MED13L: variants seen among roughly 807,000 people sequenced by gnomAD.
MED13L encodes the protein mediator of RNA polymerase II transcription subunit 13-like.
A neutral mutation model predicts 220.9 loss-of-function variants in MED13L; 7 were observed. That is an observed-to-expected ratio of 0.03 (90% CI 0.02 to 0.06). The LOEUF is 0.06. Among genes scored for constraint, MED13L ranks in the 10% least tolerant of loss-of-function variants. The pLI is 1.00. For missense variants in MED13L, 1,965 were observed against 2,760.5 expected (o/e 0.71, Z 6.46); for synonymous variants, 1,011 against 1,015.2 (o/e 1.00, Z 0.08).
chr12:116,085,815 T>A (rs996471593), intron 4 of MED13L, among the ~76,000 whole-genome samples: 4 of 150,510 alleles, frequency 2.7e-5, no homozygotes, highest in Admixed American at 6.6e-5. Context: ...AGAATAAACA[T>A]GTTATTGATA....
chr12:116,221,625 C>G (rs188775664), intron 2 of MED13L, among the ~76,000 whole-genome samples: 1 of 151,986 alleles, frequency 6.6e-6, no homozygotes, highest in African/African-American at 2.4e-5. Flanking sequence ...TTAGGCACAA[C>G]GAGCACAAAT....
At chr12:116,156,165 G>A (rs1878409138) in intron 2 of MED13L, among the ~76,000 whole-genome samples, 1 of 151,668 alleles carries the variant, frequency 6.6e-6, no homozygotes, top group Non-Finnish European at 1.5e-5. Flanking sequence ...ATAATTATTA[G>A]CAATATGTTA....
chr12:116,140,933 G>A (rs1256686422), intron 2 of MED13L, among the ~76,000 whole-genome samples: 1 of 152,056 alleles, frequency 6.6e-6, no homozygotes, highest in African/African-American at 2.4e-5. Context: ...TTGTCCAAAG[G>A]GGCAGCTATG....
intron 4 of MED13L, among the ~76,000 whole-genome samples, chr12:116,072,015 G>C (rs1870411193): frequency 1.3e-5 from 2 of 152,158 alleles, no homozygotes; most frequent in African/African-American, 4.8e-5. Flanking sequence ...ATTCACATTG[G>C]ATGTTGCCTA....
At chr12:116,069,381 G>A (rs1401658898) in intron 4 of MED13L, among the ~76,000 whole-genome samples, 1 of 151,994 alleles carries the variant, frequency 6.6e-6, no homozygotes, top group African/African-American at 2.4e-5. Context: ...CCAACCCTTG[G>A]TTTTCTCATT....
rs906088485 is a variant in MED13L at position 116,007,555 on chromosome 12, T to C, written c.2094A>G (p.Pro698=). 2.5e-6 allele frequency: 4 copies of C among 1,609,702 alleles called. No homozygotes were observed. Among genetic ancestry groups the C allele is most frequent in the African/African-American group, 2.7e-5 (2 of 73,552 alleles). The part of the protein sequence containing the change: ...PQLQPLHFLD[P]LPLSQQPGDS... ...CTCCAGGTTGTTGTGATAGAGGCAA[T>C]GGGTCAAGGAAGTGGAGTGGCTGCA... Residue 698 remains proline, a synonymous_variant, in exon 11 of 31, where the codon CCA becomes CCG. Transcript: ENST00000281928.
At chr12:116,270,818 G>A (rs1242225634) in intron 1 of MED13L, among the ~76,000 whole-genome samples, 5 of 151,604 alleles carry the variant, frequency 3.3e-5, no homozygotes, top group Admixed American at 6.6e-5. Flanking sequence ...CGAGGCGGGC[G>A]GATCACAAGG....
chr12:116,014,334 T>A (rs1176223106), intron 8 of MED13L, among the ~76,000 whole-genome samples: 1 of 152,206 alleles, frequency 6.6e-6, no homozygotes, highest in Admixed American at 6.5e-5. Context: ...TTTCAGAGAA[T>A]CAAGACTCAT....
At chr12:116,139,601 T>G (rs995857568) in intron 2 of MED13L, among the ~76,000 whole-genome samples, 4 of 152,234 alleles carry the variant, frequency 2.6e-5, no homozygotes, top group Non-Finnish European at 4.4e-5. Context: ...CCCAATCTGA[T>G]TTTAAACTCA....
chr12:116,076,944 A>C (rs1356293883), intron 4 of MED13L, among the ~76,000 whole-genome samples: 1 of 152,200 alleles, frequency 6.6e-6, no homozygotes, highest in South Asian at 2.1e-4. Context: ...TCATATTTTT[A>C]GGGCAACCTC....
chr12:116,249,398 T>TA (rs1871325553), intron 1 of MED13L, among the ~76,000 whole-genome samples: 1 of 152,078 alleles, frequency 6.6e-6, no homozygotes. Context: ...TTCAACTCTT[T>TA]AAAGGAAGGA....
At chr12:116,012,719 A>T in intron 9 of MED13L, 78 bp downstream of exon 9, 1 of 1,030,818 alleles carries the variant, frequency 9.7e-7, no homozygotes, top group Non-Finnish European at 1.5e-6. Context: ...GGAAGAACTG[A>T]TCTGTGAGGC....
At chr12:116,248,840 A>G (rs1457746571) in intron 1 of MED13L, among the ~76,000 whole-genome samples, 1 of 152,246 alleles carries the variant, frequency 6.6e-6, no homozygotes, top group Non-Finnish European at 1.5e-5. Flanking sequence ...ATAAGCACCA[A>G]ATTGTTCTCC....
At chr12:116,098,439 CAA>C (rs1872796169) in intron 3 of MED13L, among the ~76,000 whole-genome samples, 1 of 152,078 alleles carries the variant, frequency 6.6e-6, no homozygotes, top group African/African-American at 2.4e-5. Context: ...TACCTACCAG[CAA>C]AAGAGTTATA....
intron 2 of MED13L, among the ~76,000 whole-genome samples, chr12:116,168,092 C>T (rs192660064): frequency 5.4e-4 from 82 of 152,196 alleles, no homozygotes; most frequent in African/African-American, 1.9e-3. Context: ...ATCCTATCAC[C>T]ATCACCTACT....
At chr12:116,116,904 T>C (rs1447088888) in intron 2 of MED13L, among the ~76,000 whole-genome samples, 3 of 147,696 alleles carry the variant, frequency 2.0e-5, no homozygotes, top group African/African-American at 7.4e-5. Context: ...GAACCTTACA[T>C]CCTTCTAGGT....
At chr12:116,064,185 A>G (rs1869734911) in intron 4 of MED13L, among the ~76,000 whole-genome samples, 1 of 151,818 alleles carries the variant, frequency 6.6e-6, no homozygotes, top group Non-Finnish European at 1.5e-5. Context: ...CCCGTCTCAA[A>G]AAAAAAAAAA....
At chr12:115,961,627 G>A (rs1875761536) in intron 30 of MED13L, 1 of 599,580 alleles carries the variant, frequency 1.7e-6, no homozygotes, top group Non-Finnish European at 2.9e-6. Flanking sequence ...CCGCCAGTGA[G>A]GCCAGTAGGA....
chr12:116,267,571 A>C (rs1236928872), intron 1 of MED13L, among the ~76,000 whole-genome samples: 3 of 152,200 alleles, frequency 2.0e-5, no homozygotes, highest in Non-Finnish European at 2.9e-5. Flanking sequence ...TCCAACACCA[A>C]GTTTACAGGA....
Sources: gnomAD v4.1 joint callset for allele counts (sites outside exome capture counted in the v4.1 genomes callset) on GRCh38, gnomAD v4.1.1 for gene constraint, MANE v1.5 for transcripts, NCBI Gene and HGNC (gene_info 2026-07-23, HGNC 2026-07-21) for gene names.